The following GPC6 variants were observed in gnomAD, a reference collection of about 807,000 sequenced individuals.
GPC6 encodes the protein glypican-6.
In GPC6, 14 loss-of-function variants were observed where a neutral mutation model predicts 55.2. That is an observed-to-expected ratio of 0.25 (90% CI 0.17 to 0.40). The LOEUF (loss-of-function observed/expected upper bound fraction) is 0.40. Among genes scored for constraint, GPC6 ranks in the 10% least tolerant of loss-of-function variants. The pLI is 1.00. For synonymous variants in GPC6, 278 were observed against 259.6 expected, an observed-to-expected ratio of 1.07 and a Z score of -0.68; for missense variants, 641 against 708.5, an observed-to-expected ratio of 0.90 and a Z score of 1.08.
At chr13:93,524,819 A>G (rs1012220992) in intron 1 of GPC6, among the ~76,000 whole-genome samples, 12 of 152,066 alleles carry the variant, frequency 7.9e-5, no homozygotes, top group African/African-American at 2.9e-4. Flanking sequence ...TCTTTTTCCC[A>G]TAGCATGAAG....
chr13:93,803,561 C>T (rs1886445121), intron 2 of GPC6, among the ~76,000 whole-genome samples: 1 of 152,068 alleles, frequency 6.6e-6, no homozygotes, highest in Admixed American at 6.6e-5. Context: ...TTACCATATT[C>T]CCCAGCAATT....
chr13:93,986,034 G>A (rs970610003), intron 3 of GPC6, among the ~76,000 whole-genome samples: 8 of 151,868 alleles, frequency 5.3e-5, no homozygotes, highest in South Asian at 2.1e-4. Context: ...TTTTGTTACC[G>A]GATAGACACA....
At chr13:93,447,058 G>A (rs1878035781) in intron 1 of GPC6, among the ~76,000 whole-genome samples, 1 of 152,074 alleles carries the variant, frequency 6.6e-6, no homozygotes. Context: ...AATTAAGTAG[G>A]AGACTGAATC....
intron 1 of GPC6, among the ~76,000 whole-genome samples, chr13:93,359,489 T>C (rs951258188): frequency 2.0e-5 from 3 of 152,222 alleles, no homozygotes; most frequent in African/African-American, 7.2e-5. Flanking sequence ...CTTAGAAAAA[T>C]AAAATTATAT....
At chr13:93,366,598 A>T (rs547769236) in intron 1 of GPC6, among the ~76,000 whole-genome samples, 1 of 152,180 alleles carries the variant, frequency 6.6e-6, no homozygotes, top group Non-Finnish European at 1.5e-5. Context: ...ACTAAGATGA[A>T]TTTGTTTACA....
chr13:93,508,437 G>C (rs1231050298), intron 1 of GPC6, among the ~76,000 whole-genome samples: 1 of 152,162 alleles, frequency 6.6e-6, no homozygotes, highest in African/African-American at 2.4e-5. Context: ...TGTGGCCAAA[G>C]GAAACAGAAA....
intron 2 of GPC6, among the ~76,000 whole-genome samples, chr13:93,728,658 C>A (rs1405936634): frequency 2.0e-5 from 3 of 152,050 alleles, no homozygotes; most frequent in Non-Finnish European, 4.4e-5. Flanking sequence ...CCTCTACCTC[C>A]TGGGTTGAAG....
intron 3 of GPC6, among the ~76,000 whole-genome samples, chr13:93,838,328 G>A (rs544798163): frequency 6.6e-6 from 1 of 152,290 alleles, no homozygotes; most frequent in East Asian, 1.9e-4. Flanking sequence ...TTGGGAAACG[G>A]GAGCAGACAT....
intron 1 of GPC6, among the ~76,000 whole-genome samples, chr13:93,526,638 A>G (rs900937031): frequency 6.6e-6 from 1 of 152,088 alleles, no homozygotes; most frequent in African/African-American, 2.4e-5. Flanking sequence ...AGGAGATGCA[A>G]TGACATAGGC....
intron 4 of GPC6, among the ~76,000 whole-genome samples, chr13:94,262,751 T>A (rs1205301148): frequency 1.3e-5 from 2 of 152,046 alleles, no homozygotes; most frequent in Admixed American, 1.3e-4. Flanking sequence ...GAAAGGCTAC[T>A]TTTTAATGAG....
Position 93,939,354 on chromosome 13 carries a change from G to A in GPC6, c.712-88375G>A, listed in dbSNP as rs1878605138. 2.0e-5 allele frequency among the ~76,000 whole-genome samples: 3 copies of A among 150,916 alleles called. No homozygotes were observed. The South Asian group carries it at 6.2e-4, about 31-fold the overall frequency. On this transcript the variant is annotated intron_variant, in intron 3 of 8. Coordinates refer to ENST00000377047, the MANE Select transcript of GPC6 (RefSeq NM_005708.5). ...ACTAGACGTAAACCTAGGAGGCGGA[G>A]CTTGCAGTGAGCCGAGATGCGCCAC...
At chr13:94,016,247 A>C (rs566445116) in intron 3 of GPC6, among the ~76,000 whole-genome samples, 1 of 152,182 alleles carries the variant, frequency 6.6e-6, no homozygotes, top group Non-Finnish European at 1.5e-5. Flanking sequence ...ATAATATTCC[A>C]TTTATTTTAT....
chr13:93,276,638 T>G (rs1877764078), intron 1 of GPC6, among the ~76,000 whole-genome samples: 1 of 151,574 alleles, frequency 6.6e-6, no homozygotes, highest in Non-Finnish European at 1.5e-5. Context: ...GGAACAAATA[T>G]AGGGTGGGGG....
intron 3 of GPC6, among the ~76,000 whole-genome samples, chr13:94,019,219 T>C (rs1280393062): frequency 3.3e-5 from 5 of 152,218 alleles, no homozygotes; most frequent in African/African-American, 1.2e-4. Context: ...AGGTGTTTTA[T>C]TACTGACTCC....
At chr13:93,528,883 C>T (rs1290166537) in intron 1 of GPC6, among the ~76,000 whole-genome samples, 2 of 152,060 alleles carry the variant, frequency 1.3e-5, no homozygotes, top group African/African-American at 4.8e-5. Context: ...ATCTTGATAT[C>T]ATTGAAAAAG....
chr13:94,066,592 G>A (rs1018724854), intron 4 of GPC6, among the ~76,000 whole-genome samples: 2 of 152,096 alleles, frequency 1.3e-5, no homozygotes, highest in Non-Finnish European at 1.5e-5. Flanking sequence ...TAAAGATAAC[G>A]TTGTCCTCAC....
At chr13:94,162,235 C>T (rs1164286973) in intron 4 of GPC6, among the ~76,000 whole-genome samples, 1 of 152,140 alleles carries the variant, frequency 6.6e-6, no homozygotes, top group African/African-American at 2.4e-5. Context: ...TCACCTGGAA[C>T]CAGAGTCACT....
chr13:93,891,228 C>T (rs1171082497), intron 3 of GPC6, among the ~76,000 whole-genome samples: 1 of 152,034 alleles, frequency 6.6e-6, no homozygotes, highest in Non-Finnish European at 1.5e-5. Flanking sequence ...AAAAAGACAT[C>T]AGAAAAAAGC....
intron 6 of GPC6, among the ~76,000 whole-genome samples, chr13:94,314,850 A>G (rs2139122365): frequency 6.6e-6 from 1 of 152,334 alleles, no homozygotes; most frequent in Admixed American, 6.5e-5. Flanking sequence ...CCTATGGAAT[A>G]CATTTTAAAG....
Sources: gnomAD v4.1 joint callset for allele counts (sites outside exome capture counted in the v4.1 genomes callset) on GRCh38, gnomAD v4.1.1 for gene constraint, MANE v1.5 for transcripts, NCBI Gene and HGNC (gene_info 2026-07-23, HGNC 2026-07-21) for gene names.